The following ATG16L1 variants were observed in gnomAD, a reference collection of about 807,000 sequenced individuals.
ATG16L1 encodes autophagy-related protein 16-1.
In ATG16L1, 37 loss-of-function variants were observed where a neutral mutation model predicts 88.5. The observed-to-expected ratio is 0.42, with a 90% CI of 0.32 to 0.55. The LOEUF is 0.55. Among genes scored for constraint, ATG16L1 ranks in the 20% least tolerant of loss-of-function variants. ATG16L1 has a pLI of 0.13. For synonymous variants in ATG16L1, 301 were observed against 281.0 expected (o/e 1.07, Z -0.71); for missense variants, 554 against 752.8 (o/e 0.74, Z 3.09).
chr2:233,276,930 G>A (rs76034873), intron 9 of ATG16L1, among the ~76,000 whole-genome samples: 58 of 152,262 alleles, frequency 3.8e-4, no homozygotes, highest in Non-Finnish European at 6.6e-4. Context: ...GCATTAACAG[G>A]CACCATTCTG....
rs1680922226 is a variant in ATG16L1 at position 233,273,715 on chromosome 2, C to A, written c.795-6C>A. ...AGGTTTAAACCTATCCTCCCCTCCT[C>A]TTTAGTAAGCGACTCTCGCAGCCTG... On this transcript the variant is annotated splice_region_variant and splice_polypyrimidine_tract_variant and intron_variant, in intron 7 of 17. Coordinates refer to ENST00000392017, the MANE Select transcript of ATG16L1 (RefSeq NM_030803.7). The A allele has an allele frequency of 6.2e-7, 1 of 1,614,038 alleles. No individual in the cohort carries two copies.
intron 12 of ATG16L1, among the ~76,000 whole-genome samples, chr2:233,287,152 G>A (rs1235937685): frequency 2.0e-5 from 3 of 152,130 alleles, no homozygotes; most frequent in Non-Finnish European, 2.9e-5. Context: ...TGCTGAGTCC[G>A]TACTAAGATA....
intron 12 of ATG16L1, chr2:233,288,636 G>A: frequency 2.4e-6 from 1 of 422,728 alleles, no homozygotes; most frequent in South Asian, 1.8e-5. Context: ...AACCTCTGGT[G>A]TTTTACACAT....
chr2:233,257,068 C>T (rs960516900), intron 2 of ATG16L1, among the ~76,000 whole-genome samples: 1 of 150,498 alleles, frequency 6.6e-6, no homozygotes, highest in Middle Eastern at 3.5e-3. Context: ...CTCGCTCTGT[C>T]GCCCAGGCTA....
At chr2:233,286,847 G>A (rs944857180) in intron 12 of ATG16L1, among the ~76,000 whole-genome samples, 3 of 151,564 alleles carry the variant, frequency 2.0e-5, no homozygotes, top group East Asian at 1.9e-4. Context: ...GGATGGTCTC[G>A]ATCTCCTGAC....
intron 2 of ATG16L1, among the ~76,000 whole-genome samples, chr2:233,256,693 C>CTT (rs1175941099): frequency 1.4e-4 from 20 of 140,470 alleles, no homozygotes; most frequent in African/African-American, 3.6e-4. Flanking sequence ...TTTTCTTTTT[C>CTT]TTTTTTTTTT....
chr2:233,269,895 A>C, intron 5 of ATG16L1, 107 bp from the exon 6 acceptor site: 1 of 1,083,488 alleles, frequency 9.2e-7, no homozygotes, highest in Non-Finnish European at 1.3e-6. Context: ...TTGTTATTTT[A>C]CATGCACTGA....
At position 233,289,910 on chromosome 2, in the gene ATG16L1, T is replaced by C. The variant is rs774969840; in HGVS notation, c.1260T>C (p.Asn420=). 45 of 1,614,026 alleles carry C rather than the reference T, an allele frequency of 2.8e-5. No homozygotes were observed. The highest frequency in any genetic ancestry group is 3.6e-5 in the Non-Finnish European group (43 of 1,180,010). ...KVLSAKFLLD[N]ARIVSGSHDR... is the part of the protein sequence containing the mutation. ...TGTCTGCTAAGTTCCTGCTGGACAA[T>C]GCGCGGATTGTCTCAGGAAGTCACG... The change falls in exon 13 of 18, where the codon AAT becomes AAC. Residue 420 remains asparagine, a synonymous_variant. Coordinates refer to ENST00000392017, the MANE Select transcript of ATG16L1 (RefSeq NM_030803.7).
intron 1 of ATG16L1, among the ~76,000 whole-genome samples, chr2:233,252,655 TG>T (rs772100853): frequency 2.0e-5 from 3 of 152,108 alleles, no homozygotes; most frequent in Non-Finnish European, 2.9e-5. Context: ...CCCAAAGTGC[TG>T]GGATTATAGG....
intron 12 of ATG16L1, among the ~76,000 whole-genome samples, chr2:233,289,408 T>TGTGTGTGTGTGTGTGTGTGTGAGAGA (rs144316394): frequency 4.3e-4 from 64 of 149,648 alleles, no homozygotes; most frequent in African/African-American, 1.5e-3. Flanking sequence ...TGTGTGTGTG[T>TGTGTGTGTGTGTGTGTGTGTGAGAGA]GACAGGATCT....
intron 1 of ATG16L1, among the ~76,000 whole-genome samples, chr2:233,253,897 A>G (rs764540837): frequency 6.6e-6 from 1 of 152,180 alleles, no homozygotes; most frequent in Non-Finnish European, 1.5e-5. Context: ...TTAGGTGCTT[A>G]TTAGGTGCTT....
At chr2:233,270,697 C>A (rs532461439) in intron 6 of ATG16L1, among the ~76,000 whole-genome samples, 1 of 152,248 alleles carries the variant, frequency 6.6e-6, no homozygotes, top group East Asian at 1.9e-4. Context: ...GAAACTTAAG[C>A]GAAAACTAAG....
At chr2:233,261,368 G>A (rs1183184647) in intron 2 of ATG16L1, among the ~76,000 whole-genome samples, 1 of 152,190 alleles carries the variant, frequency 6.6e-6, no homozygotes, top group African/African-American at 2.4e-5. Context: ...GGGCAACATA[G>A]TGAGATACCA....
chr2:233,251,858 C>G lies in ATG16L1; in HGVS notation c.31C>G (p.Pro11Ala). The change falls in exon 1 of 18, where the codon CCC becomes GCC. Residue 11 changes from proline to alanine, a missense_variant. Transcript: ENST00000392017. ...GTCGGGCCTCCGCGCCGCTGACTTC[C>G]CCCGCTGGAAGCGCCACATCTCGGA... MSSGLRAADF[P>A]RWKRHISEQL... is the part of the protein sequence containing the mutation. 1 of 1,550,264 alleles carries G rather than the reference C, an allele frequency of 6.5e-7. No individual in the cohort carries two copies. The highest frequency in any genetic ancestry group is 1.2e-5 in the South Asian group (1 of 84,018).
rs1340396497 is a variant in ATG16L1 at position 233,293,337 on chromosome 2, G to A, written c.1710G>A (p.Lys570=). Reference sequence around the variant, plus strand: ...GTGTGCTCACAGGGAAAGTGGAAAAGGTTCTTTCAAAGCAGCACAGGTAAG... The same window carrying A: ...GTGTGCTCACAGGGAAAGTGGAAAAAGTTCTTTCAAAGCAGCACAGGTAAG... ...IWSVLTGKVE[K]VLSKQHSSSI... is the part of the protein sequence containing the mutation. Residue 570 remains lysine, a synonymous_variant, in exon 17 of 18, where the codon AAG becomes AAA. Transcript: ENST00000392017. 1 of 1,614,096 alleles carries A rather than the reference G, an allele frequency of 6.2e-7. No homozygotes were observed. Among genetic ancestry groups the A allele is most frequent in the Admixed American group, 1.7e-5 (1 of 60,026 alleles).
intron 2 of ATG16L1, 21 bp from the exon 3 acceptor site, chr2:233,263,109 C>T (rs1453165087): frequency 6.2e-7 from 1 of 1,607,834 alleles, no homozygotes; most frequent in South Asian, 1.1e-5. Context: ...TTCTCTTCAT[C>T]TGCCTGGTTT....
Position 233,294,543 on chromosome 2 carries a change from G to A in ATG16L1, c.*193G>A, listed in dbSNP as rs113949147. On this transcript the variant is annotated 3_prime_UTR_variant, in exon 18 of 18. Coordinates refer to ENST00000392017, the MANE Select transcript of ATG16L1 (RefSeq NM_030803.7). ...GACTGAGGTCTCTCTTGGCCTGGAA[G>A]AATAACACTGAAAAAACCTGACGCT... 5.6e-5 allele frequency: 26 copies of A among 462,912 alleles called. No homozygotes were observed. The highest frequency in any genetic ancestry group is 8.9e-5 in the Non-Finnish European group (23 of 259,146). 28.7% of individuals were successfully genotyped at this position (462,912 alleles called of 1,614,324 possible).
intron 12 of ATG16L1, among the ~76,000 whole-genome samples, chr2:233,284,883 G>A (rs1011688994): frequency 5.3e-5 from 8 of 152,326 alleles, no homozygotes; most frequent in Non-Finnish European, 8.8e-5. Context: ...AGTATTAGAT[G>A]CTAGCCAATA....
At chr2:233,264,111 T>C in intron 4 of ATG16L1, 46 bp downstream of exon 4, 1 of 1,597,694 alleles carries the variant, frequency 6.3e-7, no homozygotes, top group Middle Eastern at 1.7e-4. Flanking sequence ...TTGGGTCCCA[T>C]GTCCTTTGTT....
Sources: allele counts gnomAD v4.1 joint callset (sites outside exome capture counted in the v4.1 genomes callset), GRCh38; gene constraint gnomAD v4.1.1; transcripts MANE v1.5; gene names NCBI Gene and HGNC (gene_info 2026-07-23, HGNC 2026-07-21).